PPFIA1: variants seen among roughly 807,000 people sequenced by gnomAD.
PPFIA1 encodes the protein liprin-alpha-1.
A neutral mutation model predicts 149.9 loss-of-function variants in PPFIA1; 25 were observed. The ratio of observed to expected loss-of-function variants is 0.17; its 90% CI spans 0.12 to 0.23. The LOEUF (loss-of-function observed/expected upper bound fraction) is 0.23. Among genes scored for constraint, PPFIA1 ranks in the 10% least tolerant of loss-of-function variants. The pLI is 1.00. For missense variants in PPFIA1, 1,362 were observed against 1,506.5 expected, an observed-to-expected ratio of 0.90 and a Z score of 1.59; for synonymous variants, 549 against 552.8, an observed-to-expected ratio of 0.99 and a Z score of 0.10.
At chr11:70,337,514 G>A in intron 12 of PPFIA1, 87 bp downstream of exon 12, 1 of 1,019,462 alleles carries the variant, frequency 9.8e-7, no homozygotes, top group Non-Finnish European at 1.4e-6. Flanking sequence ...TGACAGTGGA[G>A]AGCAGCTTGG....
At chr11:70,294,413 C>G (rs1002284086) in intron 2 of PPFIA1, among the ~76,000 whole-genome samples, 20 of 152,088 alleles carry the variant, frequency 1.3e-4, no homozygotes, top group African/African-American at 4.8e-4. Context: ...GGGATATGCC[C>G]ACGTCCTTTA....
At chr11:70,349,135 CAAAAAAAAAAAAA>C (rs749436919) in intron 16 of PPFIA1, among the ~76,000 whole-genome samples, 4 of 74,610 alleles carry the variant, frequency 5.4e-5, no homozygotes, top group South Asian at 4.5e-4. Flanking sequence ...CATCTACTAC[CAAAAAAAAAAAAA>C]AAAAAAAAAG....
At chr11:70,296,050 C>T (rs866944308) in intron 2 of PPFIA1, among the ~76,000 whole-genome samples, 27 of 150,560 alleles carry the variant, frequency 1.8e-4, no homozygotes, top group African/African-American at 5.6e-4. Context: ...GACGGGGCGT[C>T]GGGGCAAAGG....
chr11:70,297,760 G>A lies in PPFIA1; in HGVS notation c.264+25324G>A, dbSNP rs183179384. ...CCTGCTAGCCGGGCCCCATTTCCCCGTAATGTCTGTGCTCCGAGGTTGTCA... is the reference window on the plus strand; with the variant it reads ...CCTGCTAGCCGGGCCCCATTTCCCCATAATGTCTGTGCTCCGAGGTTGTCA... On this transcript the variant is annotated intron_variant, in intron 2 of 27. Coordinates refer to ENST00000253925, the MANE Select transcript of PPFIA1 (RefSeq NM_003626.5). Among the ~76,000 whole-genome samples the A allele has an allele frequency of 1.3e-3, 192 of 152,266 alleles. 1 individual carries two copies. The highest frequency in any genetic ancestry group is 3.1e-3 in the African/African-American group (127 of 41,544).
chr11:70,300,159 C>T (rs2136332473), intron 2 of PPFIA1, among the ~76,000 whole-genome samples: 1 of 152,072 alleles, frequency 6.6e-6, no homozygotes, highest in African/African-American at 2.4e-5. Context: ...CCCTCTGCCC[C>T]TTCCCATAGG....
chr11:70,362,654 T>C (rs2056721875), intron 21 of PPFIA1, 166 bp downstream of exon 21: 1 of 561,018 alleles, frequency 1.8e-6, no homozygotes, highest in Non-Finnish European at 2.8e-6. Context: ...TTTTGGGGAA[T>C]TGGATGGTCA....
intron 2 of PPFIA1, among the ~76,000 whole-genome samples, chr11:70,274,615 G>A (rs2050275606): frequency 6.6e-6 from 1 of 152,150 alleles, no homozygotes; most frequent in South Asian, 2.1e-4. Flanking sequence ...TCCCGTGCAC[G>A]AACAGACAGA....
chr11:70,337,422 G>A lies in PPFIA1; in HGVS notation c.1486G>A (p.Asp496Asn), dbSNP rs771691335. The A allele has an allele frequency of 3.1e-6, 5 of 1,591,202 alleles. 1 individual carries two copies. In the South Asian group the frequency reaches 3.4e-5, roughly 11 times the overall value. ...AAAGCAGTTAGAAGAAACACAACAC[G>A]ATAAGGTACTGAAATCTTCTCTAAA... ...AKKQLEETQH[D>N]KDQLVLNIEA... Residue 496 changes from aspartate to asparagine, a missense_variant, in exon 12 of 28, where the codon GAT becomes AAT. Physicochemically the swap from Asp to Asn is conservative, Grantham distance 23. Transcript: ENST00000253925.
intron 21 of PPFIA1, 33 bp from the exon 22 acceptor site, chr11:70,372,182 C>T: frequency 6.4e-7 from 1 of 1,568,836 alleles, no homozygotes; most frequent in South Asian, 1.2e-5. Flanking sequence ...GAGACTTCCT[C>T]TGTAACTGAC....
At chr11:70,319,130 C>T (rs1470361132) in intron 2 of PPFIA1, among the ~76,000 whole-genome samples, 1 of 152,242 alleles carries the variant, frequency 6.6e-6, no homozygotes, top group East Asian at 1.9e-4. Context: ...ACTCCCTTCT[C>T]AGGAACCAAT....
intron 16 of PPFIA1, among the ~76,000 whole-genome samples, chr11:70,350,319 G>C (rs2055979373): frequency 6.7e-6 from 1 of 149,676 alleles, no homozygotes; most frequent in Non-Finnish European, 1.5e-5. Context: ...TATGCTTTCT[G>C]GTTCTGATGA....
intron 2 of PPFIA1, among the ~76,000 whole-genome samples, chr11:70,322,997 A>G (rs2054039086): frequency 6.6e-6 from 1 of 152,198 alleles, no homozygotes; most frequent in African/African-American, 2.4e-5. Flanking sequence ...TTAGAAACCA[A>G]TTCAGTGAAA....
chr11:70,321,205 C>G (rs1385282863), intron 2 of PPFIA1: 1 of 152,348 alleles, frequency 6.6e-6, no homozygotes, highest in African/African-American at 2.4e-5. Context: ...GACATAGAAG[C>G]TGGCAGTTGG....
At chr11:70,331,529 C>T (rs1338219670) in intron 8 of PPFIA1, among the ~76,000 whole-genome samples, 1 of 152,198 alleles carries the variant, frequency 6.6e-6, no homozygotes, top group Non-Finnish European at 1.5e-5. Flanking sequence ...CCTGTAATCC[C>T]ACCACTTTGG....
chr11:70,308,883 A>G (rs879592995), intron 2 of PPFIA1, among the ~76,000 whole-genome samples: 9 of 152,194 alleles, frequency 5.9e-5, no homozygotes, highest in Non-Finnish European at 1.0e-4. Context: ...TGATTGTGCC[A>G]CTTCACTTCA....
intron 2 of PPFIA1, among the ~76,000 whole-genome samples, chr11:70,276,270 CTT>C (rs567492443): frequency 3.4e-4 from 47 of 136,336 alleles, no homozygotes; most frequent in Middle Eastern, 3.8e-3. Context: ...CTGCGCCTTG[CTT>C]TTTTTTTTTT....
chr11:70,295,822 G>A (rs1245113470), intron 2 of PPFIA1, among the ~76,000 whole-genome samples: 4 of 151,020 alleles, frequency 2.6e-5, no homozygotes, highest in East Asian at 2.0e-4. Flanking sequence ...GCTGCTGGGC[G>A]GAGACGCTCC....
chr11:70,336,805 C>T (rs2055007569), intron 11 of PPFIA1, among the ~76,000 whole-genome samples: 1 of 152,146 alleles, frequency 6.6e-6, no homozygotes, highest in South Asian at 2.1e-4. Flanking sequence ...GTGTCCCTAG[C>T]GATGGGACTC....
chr11:70,355,803 T>C lies in PPFIA1; in HGVS notation c.2480T>C (p.Leu827Ser). The C allele has an allele frequency of 1.2e-6, 2 of 1,608,732 alleles. No homozygotes were observed. Among genetic ancestry groups the C allele is most frequent in the Non-Finnish European group, 1.7e-6 (2 of 1,178,400 alleles). ...CCTGGACAAACTGGCAAAGAAGCAT[T>C]AGGACAAGGTTGGTTGGTTTTCCGC... Reference protein sequence around the residue: ...GRPGQTGKEALGQAGVSETDN... With the variant: ...GRPGQTGKEASGQAGVSETDN... The change falls in exon 18 of 28, where the codon TTA (leucine) becomes TCA (serine). Residue 827 changes from leucine to serine, a missense_variant. Transcript: ENST00000253925.
Sources: gnomAD v4.1 joint callset for allele counts (sites outside exome capture counted in the v4.1 genomes callset) on GRCh38, gnomAD v4.1.1 for gene constraint, MANE v1.5 for transcripts, NCBI Gene and HGNC (gene_info 2026-07-23, HGNC 2026-07-21) for gene names.